The following ETFA variants were observed in gnomAD, a reference collection of about 807,000 sequenced individuals.
The protein encoded by ETFA is electron transfer flavoprotein subunit alpha, mitochondrial.
Under a neutral mutation model 46.2 loss-of-function variants are expected in ETFA, and 22 were observed. The observed-to-expected ratio is 0.48, with a 90% CI of 0.34 to 0.68. ETFA has a LOEUF of 0.68. Among genes scored for constraint, ETFA ranks in the 30% least tolerant of loss-of-function variants. The pLI, the probability that ETFA is intolerant of heterozygous loss-of-function variation, is 0.01. For synonymous variants in ETFA, 131 were observed against 139.9 expected (o/e 0.94, Z 0.45); for missense variants, 345 against 401.1 (o/e 0.86, Z 1.19).
chr15:76,305,049 A>AAAAG (rs532586716), intron 1 of ETFA, among the ~76,000 whole-genome samples: 37 of 150,564 alleles, frequency 2.5e-4, no homozygotes, highest in African/African-American at 7.5e-4. Flanking sequence ...TCAAAAAAAA[A>AAAAG]AAAGAAAGAA....
At chr15:76,216,713 C>T (rs192574679) in intron 11 of ETFA, 116 bp from the exon 12 acceptor site, 42 of 725,266 alleles carry the variant, frequency 5.8e-5, no homozygotes, top group South Asian at 2.3e-4. Context: ...TGTTGAGGCA[C>T]GAGGGCCCCC....
chr15:76,254,006 C>T (rs1301873670), intron 9 of ETFA, among the ~76,000 whole-genome samples: 1 of 152,200 alleles, frequency 6.6e-6, no homozygotes, highest in Non-Finnish European at 1.5e-5. Context: ...TGGAGATCAA[C>T]TTAGGCAGGC....
chr15:76,254,594 C>G (rs1313820025), intron 9 of ETFA, among the ~76,000 whole-genome samples: 1 of 152,140 alleles, frequency 6.6e-6, no homozygotes, highest in African/African-American at 2.4e-5. Flanking sequence ...TCTGCAAAGT[C>G]AAACCTATTT....
At position 76,237,127 on chromosome 15, in the gene ETFA, G is replaced by A. The variant is rs10163068; in HGVS notation, c.817-5729C>T. ...GAGTGCAGTGGCACGATCTTGGCTCGCTGCAACCTCTGCCTCCTGGGTTCA... is the reference window on the plus strand; with the variant it reads ...GAGTGCAGTGGCACGATCTTGGCTCACTGCAACCTCTGCCTCCTGGGTTCA... On this transcript the variant is annotated intron_variant, in intron 9 of 11. Transcript: ENST00000557943. Among the ~76,000 whole-genome samples the A allele has an allele frequency of 7.3e-3, 1,113 of 151,972 alleles. 18 individuals are homozygous for A. Among genetic ancestry groups the A allele is most frequent in the African/African-American group, 0.026 (1,059 of 41,504 alleles).
chr15:76,260,279 G>A (rs142651313), intron 9 of ETFA: 325 of 1,162,912 alleles, frequency 2.8e-4, no homozygotes, highest in Non-Finnish European at 3.6e-4. Context: ...CTGCCCAGAA[G>A]TGAATGGCTG....
intron 4 of ETFA, among the ~76,000 whole-genome samples, chr15:76,291,657 G>A (rs1034744955): frequency 6.6e-6 from 1 of 151,762 alleles, no homozygotes; most frequent in Non-Finnish European, 1.5e-5. Context: ...GGCTGAGGCA[G>A]GAGAATGGCG....
intron 1 of ETFA, among the ~76,000 whole-genome samples, chr15:76,303,319 A>G (rs1350886564): frequency 6.6e-6 from 1 of 152,154 alleles, no homozygotes; most frequent in Non-Finnish European, 1.5e-5. Context: ...AAAAACAAAC[A>G]AACAAAAAAT....
At chr15:76,283,516 A>C (rs1348522717) in intron 8 of ETFA, among the ~76,000 whole-genome samples, 1 of 152,160 alleles carries the variant, frequency 6.6e-6, no homozygotes, top group Non-Finnish European at 1.5e-5. Context: ...TAAAGTGAAG[A>C]AAAAAGAAAA....
At chr15:76,310,841 T>TCCCAC (rs1470163218) in intron 1 of ETFA, among the ~76,000 whole-genome samples, 3,032 of 148,638 alleles carry the variant, frequency 0.02, 52 homozygotes, top group African/African-American at 0.073. Context: ...CCACGCAGCC[T>TCCCAC]CCCACCCCAC....
intron 9 of ETFA, chr15:76,245,293 T>C (rs943447637): frequency 6.6e-6 from 1 of 152,190 alleles, no homozygotes; most frequent in African/African-American, 2.4e-5. Flanking sequence ...TGCACTCACA[T>C]ATGAATATTT....
intron 4 of ETFA, 57 bp downstream of exon 4, chr15:76,292,374 A>T: frequency 8.4e-7 from 1 of 1,185,802 alleles, no homozygotes. Flanking sequence ...TTTCAGCACA[A>T]TGAAATCTAA....
At chr15:76,273,727 T>TA (rs35093755) in intron 9 of ETFA, among the ~76,000 whole-genome samples, 62,088 of 151,796 alleles carry the variant, frequency 0.41, 15,192 homozygotes, top group Middle Eastern at 0.57. Context: ...TTGAAATATA[T>TA]AAAAAACATG....
At chr15:76,311,244 G>C in intron 1 of ETFA, 106 bp downstream of exon 1, 1 of 1,352,788 alleles carries the variant, frequency 7.4e-7, no homozygotes, top group South Asian at 1.3e-5. Context: ...CTGCGGGCGC[G>C]AGGGCTGGTC....
intron 9 of ETFA, among the ~76,000 whole-genome samples, chr15:76,243,064 A>C (rs984670986): frequency 6.6e-5 from 10 of 152,222 alleles, no homozygotes; most frequent in African/African-American, 2.4e-4. Context: ...TGGGAGGACA[A>C]GGTGGGTGGA....
At chr15:76,289,127 T>C (rs1002271169) in intron 4 of ETFA, among the ~76,000 whole-genome samples, 2 of 151,860 alleles carry the variant, frequency 1.3e-5, no homozygotes, top group African/African-American at 2.4e-5. Context: ...AGAAGCGGGG[T>C]CTTGCGTTGT....
At chr15:76,240,314 T>C (rs1197686730) in intron 9 of ETFA, among the ~76,000 whole-genome samples, 1 of 152,212 alleles carries the variant, frequency 6.6e-6, no homozygotes, top group Non-Finnish European at 1.5e-5. Flanking sequence ...TGATAGAATA[T>C]GTAGTCAAAG....
At chr15:76,237,346 C>G (rs1167509509) in intron 9 of ETFA, among the ~76,000 whole-genome samples, 2 of 152,146 alleles carry the variant, frequency 1.3e-5, no homozygotes, top group South Asian at 2.1e-4. Flanking sequence ...AGCCACCATG[C>G]CTGGCCGATA....
Position 76,219,418 on chromosome 15 carries a change from T to A in ETFA, c.964-2821A>T, listed in dbSNP as rs982890065. ...ATCTTCATGACCCAATATTTGGCAA[T>A]GGATTCTTAGATATGATGCCAAAAG... is the stretch of plus-strand genomic sequence containing the variant. On this transcript the variant is annotated intron_variant, in intron 11 of 11. Transcript: ENST00000557943. 3.3e-5 allele frequency among the ~76,000 whole-genome samples: 5 copies of A among 152,252 alleles called. No homozygotes were observed. In the East Asian group the frequency reaches 5.8e-4, roughly 18 times the overall value.
At chr15:76,218,836 A>G (rs1422077967) in intron 11 of ETFA, among the ~76,000 whole-genome samples, 2 of 152,154 alleles carry the variant, frequency 1.3e-5, no homozygotes, top group East Asian at 1.9e-4. Flanking sequence ...TCCTCCAGGT[A>G]GTACTAAGGG....
Sources: gnomAD v4.1 joint callset for allele counts (sites outside exome capture counted in the v4.1 genomes callset) on GRCh38, gnomAD v4.1.1 for gene constraint, MANE v1.5 for transcripts, NCBI Gene and HGNC (gene_info 2026-07-23, HGNC 2026-07-21) for gene names.